Variants in ZMAT4 observed in about 807,000 individuals in gnomAD.
ZMAT4 encodes zinc finger matrin-type protein 4.
A neutral mutation model predicts 28.7 loss-of-function variants in ZMAT4; 17 were observed. The observed-to-expected ratio is 0.59, with a 90% CI of 0.41 to 0.89. The LOEUF (loss-of-function observed/expected upper bound fraction) is 0.89. Ranked by LOEUF, ZMAT4 falls within the 40% of genes least tolerant of loss-of-function variation. The pLI is 0.00. For synonymous variants in ZMAT4, 117 were observed against 109.2 expected, an observed-to-expected ratio of 1.07 and a Z score of -0.44; for missense variants, 240 against 283.8, an observed-to-expected ratio of 0.85 and a Z score of 1.11.
At chr8:40,769,963 A>T (rs1374586173) in intron 2 of ZMAT4, among the ~76,000 whole-genome samples, 1 of 152,130 alleles carries the variant, frequency 6.6e-6, no homozygotes, top group Non-Finnish European at 1.5e-5. Context: ...GTGATGTGAG[A>T]TGTTGGGATT....
chr8:40,822,974 GA>G (rs1446081801), intron 2 of ZMAT4, among the ~76,000 whole-genome samples: 1 of 152,144 alleles, frequency 6.6e-6, no homozygotes, highest in African/African-American at 2.4e-5. Flanking sequence ...ATGTTAACAG[GA>G]AAACGTGCAA....
intron 2 of ZMAT4, among the ~76,000 whole-genome samples, chr8:40,810,168 C>T (rs995531325): frequency 1.3e-5 from 2 of 152,052 alleles, no homozygotes; most frequent in Non-Finnish European, 2.9e-5. Context: ...TGTATATATT[C>T]ATTGTCTTTA....
At chr8:40,883,891 C>T (rs181209137) in intron 1 of ZMAT4, among the ~76,000 whole-genome samples, 32 of 152,234 alleles carry the variant, frequency 2.1e-4, no homozygotes, top group African/African-American at 7.5e-4. Flanking sequence ...TTGAGGATCT[C>T]GATCCATGCC....
intron 2 of ZMAT4, among the ~76,000 whole-genome samples, chr8:40,817,334 C>T (rs1296777233): frequency 6.6e-6 from 1 of 152,130 alleles, no homozygotes; most frequent in African/African-American, 2.4e-5. Context: ...TGCTGGCAGT[C>T]CCTAGGAGGA....
Position 40,616,047 on chromosome 8 carries a change from G to A in ZMAT4, c.578-34786C>T, listed in dbSNP as rs1805993145. Among the ~76,000 whole-genome samples the A allele has an allele frequency of 2.6e-5, 4 of 151,980 alleles. No homozygotes were observed. The South Asian group carries it at 8.3e-4, about 32-fold the overall frequency. The stretch of plus-strand genomic sequence containing the variant: ...ACTCAAACAAATTTACAAGAAAAAA[G>A]CAAACAACCCCATCAAAAAGTGGGC... On this transcript the variant is annotated intron_variant, in intron 5 of 6. Coordinates refer to ENST00000297737, the MANE Select transcript of ZMAT4 (RefSeq NM_024645.3).
At chr8:40,786,988 A>G (rs1399041079) in intron 2 of ZMAT4, among the ~76,000 whole-genome samples, 1 of 152,244 alleles carries the variant, frequency 6.6e-6, no homozygotes, top group Non-Finnish European at 1.5e-5. Context: ...AATTTTTTCA[A>G]TAAACACCAA....
At chr8:40,801,386 G>A (rs748492447) in intron 2 of ZMAT4, among the ~76,000 whole-genome samples, 24 of 112,876 alleles carry the variant, frequency 2.1e-4, no homozygotes, top group Non-Finnish European at 2.9e-4. Flanking sequence ...ATATATATTC[G>A]GTGGGGTGCG....
At chr8:40,790,218 A>C (rs373514047) in intron 2 of ZMAT4, among the ~76,000 whole-genome samples, 45 of 152,320 alleles carry the variant, frequency 3.0e-4, no homozygotes, top group African/African-American at 9.9e-4. Flanking sequence ...AAGAAAAAAA[A>C]CTGTTTTTAT....
At chr8:40,688,293 T>G (rs1275693060) in intron 4 of ZMAT4, among the ~76,000 whole-genome samples, 1 of 151,978 alleles carries the variant, frequency 6.6e-6, no homozygotes, top group African/African-American at 2.4e-5. Flanking sequence ...CCATCTCTAC[T>G]AAAAATACAA....
chr8:40,719,852 A>G (rs4737167), intron 3 of ZMAT4, among the ~76,000 whole-genome samples: 148,583 of 152,242 alleles, frequency 0.98, 72,612 homozygotes, highest in East Asian at 1. Context: ...GATTACAGGC[A>G]TGAGCCACCA....
At chr8:40,697,567 T>A (rs1457504652) in intron 3 of ZMAT4, among the ~76,000 whole-genome samples, 166 bp from the exon 4 acceptor site, 1 of 152,020 alleles carries the variant, frequency 6.6e-6, no homozygotes, top group East Asian at 1.9e-4. Flanking sequence ...TTTAAAAAAT[T>A]TTTTTATTAT....
At chr8:40,837,562 T>C (rs957184927) in intron 1 of ZMAT4, among the ~76,000 whole-genome samples, 1 of 152,150 alleles carries the variant, frequency 6.6e-6, no homozygotes, top group African/African-American at 2.4e-5. Flanking sequence ...TTATGTGCTT[T>C]GTAGGGGAGC....
chr8:40,565,500 A>C (rs1409363211), intron 6 of ZMAT4, among the ~76,000 whole-genome samples: 11 of 149,528 alleles, frequency 7.4e-5, no homozygotes, highest in African/African-American at 2.2e-4. Context: ...CCTAAGGCTC[A>C]TGAGTAACTG....
At chr8:40,556,400 C>A (rs1309863809) in intron 6 of ZMAT4, among the ~76,000 whole-genome samples, 2 of 152,070 alleles carry the variant, frequency 1.3e-5, no homozygotes, top group Admixed American at 1.3e-4. Context: ...TGGAGTGATA[C>A]CTCCATCATC....
chr8:40,545,230 G>T (rs1441872259), intron 6 of ZMAT4, among the ~76,000 whole-genome samples: 1 of 152,032 alleles, frequency 6.6e-6, no homozygotes, highest in African/African-American at 2.4e-5. Context: ...GATGATGATG[G>T]CCTTGATTGA....
chr8:40,675,118 C>T (rs757840770), intron 4 of ZMAT4, among the ~76,000 whole-genome samples, 187 bp from the exon 5 acceptor site: 1 of 152,132 alleles, frequency 6.6e-6, no homozygotes, highest in Non-Finnish European at 1.5e-5. Flanking sequence ...AATAAAAATT[C>T]TTAATGTATT....
Position 40,674,875 on chromosome 8 carries a change from A to T in ZMAT4, c.406T>A (p.Ser136Thr). Residue 136 changes from serine to threonine, a missense_variant, in exon 5 of 7, where the codon TCT becomes ACT. Physicochemically the swap from Ser to Thr is moderately conservative, Grantham distance 58 (BLOSUM62 1). Transcript: ENST00000297737. ...PRMDTAPVVA[S>T]PYQRRDSDRY... ...TCTGAATCTCTTCTTTGATAGGGAGATGCGACCACCGGAGCAGTGTCCATC... is the reference window on the plus strand; with the variant it reads ...TCTGAATCTCTTCTTTGATAGGGAGTTGCGACCACCGGAGCAGTGTCCATC... 2 of 1,613,516 alleles carry T rather than the reference A, an allele frequency of 1.2e-6. No homozygotes were observed. Among genetic ancestry groups the T allele is most frequent in the Non-Finnish European group, 1.7e-6 (2 of 1,179,862 alleles).
At chr8:40,556,029 C>G (rs1173273308) in intron 6 of ZMAT4, among the ~76,000 whole-genome samples, 1 of 152,088 alleles carries the variant, frequency 6.6e-6, no homozygotes, top group East Asian at 1.9e-4. Context: ...AAAACTCTGC[C>G]CTCTATTCTG....
chr8:40,849,791 A>T (rs1410972422), intron 1 of ZMAT4, among the ~76,000 whole-genome samples: 1 of 152,130 alleles, frequency 6.6e-6, no homozygotes, highest in Non-Finnish European at 1.5e-5. Flanking sequence ...TAGATATGTG[A>T]CCACTATCTG....
Sources: gnomAD v4.1 joint callset for allele counts (sites outside exome capture counted in the v4.1 genomes callset) on GRCh38, gnomAD v4.1.1 for gene constraint, MANE v1.5 for transcripts, NCBI Gene and HGNC (gene_info 2026-07-23, HGNC 2026-07-21) for gene names.